The following HEATR5B variants were observed in gnomAD, a reference collection of about 807,000 sequenced individuals.
HEATR5B encodes HEAT repeat-containing protein 5B.
A neutral mutation model predicts 224.1 loss-of-function variants in HEATR5B; 156 were observed. The ratio of observed to expected loss-of-function variants is 0.70; its 90% CI spans 0.61 to 0.80. The LOEUF (loss-of-function observed/expected upper bound fraction) is 0.80. Among genes scored for constraint, HEATR5B ranks in the 30% least tolerant of loss-of-function variants. The pLI, the probability that HEATR5B is intolerant of heterozygous loss-of-function variation, is 0.00. For missense variants in HEATR5B, 2,323 were observed against 2,535.5 expected (o/e 0.92, Z 1.80); for synonymous variants, 1,027 against 893.0 (o/e 1.15, Z -2.68).
At chr2:37,053,874 T>C in intron 16 of HEATR5B, among the ~76,000 whole-genome samples, 1 of 151,514 alleles carries the variant, frequency 6.6e-6, no homozygotes, top group East Asian at 1.9e-4. Flanking sequence ...AACAGCACTG[T>C]CCAACAAAGC....
intron 27 of HEATR5B, among the ~76,000 whole-genome samples, chr2:37,011,731 T>C (rs927777614): frequency 6.6e-6 from 1 of 152,218 alleles, no homozygotes; most frequent in Admixed American, 6.5e-5. Flanking sequence ...TTACTTCTAA[T>C]TCTTTACTTA....
chr2:37,023,494 T>G (rs1448475927), intron 24 of HEATR5B, among the ~76,000 whole-genome samples: 7 of 152,084 alleles, frequency 4.6e-5, no homozygotes, highest in Non-Finnish European at 8.8e-5. Flanking sequence ...TCTGGCCAGG[T>G]GCACTGACTC....
Position 36,982,863 on chromosome 2 carries a change from T to TACACACACACACACACACAC in HEATR5B, c.5912-1089_5912-1070dup, listed in dbSNP as rs3836070. On this transcript the variant is annotated intron_variant, in intron 35 of 35. Transcript: ENST00000233099. ...CATGTCTACATATAACAGACACAGA[T>TACACACACACACACACACAC]ACACACACACACACACACACACACA... Among the ~76,000 whole-genome samples the TACACACACACACACACACAC allele has an allele frequency of 2.9e-3, 366 of 126,054 alleles. 14 individuals are homozygous for TACACACACACACACACACAC. The highest frequency in any genetic ancestry group is 6.4e-3 in the South Asian group (22 of 3,434). The allele number at this position is 126,054 out of a possible 152,430, so 82.7% of individuals were successfully genotyped here. A position where few individuals can be genotyped will look rare whatever the true frequency, so the allele number is the denominator to read the frequency against.
intron 12 of HEATR5B, among the ~76,000 whole-genome samples, chr2:37,059,352 A>G (rs1671108135): frequency 6.8e-6 from 1 of 147,234 alleles, no homozygotes; most frequent in South Asian, 2.1e-4. Context: ...AATTTACATG[A>G]AATTTTTACA....
Position 37,072,215 on chromosome 2 carries a change from G to C in HEATR5B, c.664C>G (p.Leu222Val), listed in dbSNP as rs568836140. The change falls in exon 6 of 36, where the codon CTC becomes GTC. Residue 222 changes from leucine (L) to valine (V), a missense_variant. This residue lies in a region of HEATR5B where 292 missense variants were observed against 332.6 expected (regional missense o/e 0.88). Coordinates refer to ENST00000233099, the MANE Select transcript of HEATR5B (RefSeq NM_019024.3). ...GAGTTTTCCAAAGCCTTAAAGCAGA[G>C]AGTGGCTATATTTTCTAGTTCAGCA... ...WTAELENIAT[L>V]CFKALENSNY... 6.2e-7 allele frequency: 1 copy of C among 1,613,570 alleles called. No homozygotes were observed. Among genetic ancestry groups the C allele is most frequent in the Non-Finnish European group, 8.5e-7 (1 of 1,179,532 alleles).
intron 27 of HEATR5B, among the ~76,000 whole-genome samples, chr2:37,011,317 A>C (rs1667772087): frequency 6.6e-6 from 1 of 152,238 alleles, no homozygotes; most frequent in African/African-American, 2.4e-5. Context: ...CTGCATGGTA[A>C]TCTAAGTATG....
chr2:36,988,660 C>T lies in HEATR5B; in HGVS notation c.5897G>A (p.Gly1966Asp). 6.2e-7 allele frequency: 1 copy of T among 1,613,042 alleles called. No individual in the cohort carries two copies. Among genetic ancestry groups the T allele is most frequent in the Non-Finnish European group, 8.5e-7 (1 of 1,179,098 alleles). Residue 1966 changes from glycine to aspartate, a missense_variant, in exon 35 of 36, where the codon GGT becomes GAT. Physicochemically the swap from Gly to Asp is moderately conservative, Grantham distance 94 (BLOSUM62 -1). Coordinates refer to ENST00000233099, the MANE Select transcript of HEATR5B (RefSeq NM_019024.3). ...IKVLETLVALGEEQNRVQLLA... is the reference protein window; with the variant it reads ...IKVLETLVALDEEQNRVQLLA... ...AATATACTTACTGTTTTGTTCTTCA[C>T]CAAGAGCAACCAGTGTTTCAAGAAC...
intron 20 of HEATR5B, among the ~76,000 whole-genome samples, chr2:37,038,516 G>A (rs1425561591): frequency 6.6e-6 from 1 of 152,110 alleles, no homozygotes; most frequent in Non-Finnish European, 1.5e-5. Context: ...TATACGCATT[G>A]CCTTATCATT....
chr2:37,052,865 T>C (rs1670646511), intron 17 of HEATR5B, among the ~76,000 whole-genome samples: 1 of 152,242 alleles, frequency 6.6e-6, no homozygotes, highest in African/African-American at 2.4e-5. Context: ...TACAAGATTT[T>C]ATCATGCTAC....
At chr2:37,011,617 G>A (rs1667794109) in intron 27 of HEATR5B, among the ~76,000 whole-genome samples, 1 of 151,806 alleles carries the variant, frequency 6.6e-6, no homozygotes, top group South Asian at 2.1e-4. Flanking sequence ...CATGTCATAG[G>A]GTTTTCCCAT....
chr2:37,053,350 CAT>C (rs1670680795), intron 17 of HEATR5B, 150 bp downstream of exon 17: 2 of 417,218 alleles, frequency 4.8e-6, no homozygotes, highest in East Asian at 3.6e-5. Flanking sequence ...CTGAGCCTAA[CAT>C]AAAGTTTCAA....
intron 11 of HEATR5B, among the ~76,000 whole-genome samples, chr2:37,061,360 A>G (rs941393829): frequency 2.0e-5 from 3 of 152,220 alleles, no homozygotes; most frequent in African/African-American, 7.2e-5. Context: ...ATAATTTCCA[A>G]CAGATAGATG....
chr2:37,079,052 G>T, intron 3 of HEATR5B, 68 bp downstream of exon 3: 2 of 945,972 alleles, frequency 2.1e-6, no homozygotes, highest in Non-Finnish European at 3.2e-6. Context: ...ATGGTCCATA[G>T]TCTCCTACTA....
chr2:37,045,651 TCCTTCTGTTCATAGCTCTCTC>T (rs1043107116), intron 18 of HEATR5B, among the ~76,000 whole-genome samples: 25 of 152,204 alleles, frequency 1.6e-4, no homozygotes, highest in African/African-American at 6.0e-4. Context: ...CTTTAGATGA[TCCTTCTGTTCATAGCTCTCTC>T]CCTGTGCAGC....
chr2:37,077,159 T>A, intron 3 of HEATR5B, 140 bp from the exon 4 acceptor site: 1 of 658,726 alleles, frequency 1.5e-6, no homozygotes, highest in Non-Finnish European at 2.7e-6. Flanking sequence ...AAACAATTTA[T>A]GCTTCATAAC....
At chr2:37,084,207 T>C (rs1057116097) in intron 1 of HEATR5B, 62 bp downstream of exon 1, 6 of 345,548 alleles carry the variant, frequency 1.7e-5, no homozygotes, top group Non-Finnish European at 3.1e-5. Flanking sequence ...TCCCCACCCG[T>C]CTGAAAATGT....
chr2:37,070,290 A>G lies in HEATR5B; in HGVS notation c.867T>C (p.Gly289=). The G allele has an allele frequency of 6.2e-7, 1 of 1,613,982 alleles. No individual in the cohort carries two copies. Among genetic ancestry groups the G allele is most frequent in the Non-Finnish European group, 8.5e-7 (1 of 1,179,946 alleles). Reference sequence around the variant, plus strand: ...ACCCTCCAACTTTTAACATTTCTCCACCGCTCTTTAAGAAACCTGACCCTC... The same window carrying G: ...ACCCTCCAACTTTTAACATTTCTCCGCCGCTCTTTAAGAAACCTGACCCTC... ...LRGGSGFLKS[G]GEMLKVGGSV... Residue 289 remains glycine (G), a synonymous_variant, in exon 7 of 36, where the codon GGT becomes GGC. Coordinates refer to ENST00000233099, the MANE Select transcript of HEATR5B (RefSeq NM_019024.3).
At chr2:37,039,358 C>T (rs1490849362) in intron 20 of HEATR5B, among the ~76,000 whole-genome samples, 1 of 151,676 alleles carries the variant, frequency 6.6e-6, no homozygotes, top group African/African-American at 2.4e-5. Context: ...CCCAGCTACT[C>T]AGGAGGCTGA....
chr2:37,030,084 C>T (rs750467159), intron 22 of HEATR5B, among the ~76,000 whole-genome samples: 3 of 152,048 alleles, frequency 2.0e-5, no homozygotes, highest in Admixed American at 1.3e-4. Flanking sequence ...TAAACAGCAG[C>T]GGTATATAAC....
Sources: allele counts gnomAD v4.1 joint callset (sites outside exome capture counted in the v4.1 genomes callset), GRCh38; gene constraint gnomAD v4.1.1; regional missense constraint gnomAD v4.1.1; transcripts MANE v1.5; gene names NCBI Gene and HGNC (gene_info 2026-07-23, HGNC 2026-07-21).